Variants in GALNTL6 observed in about 807,000 individuals in gnomAD.
GALNTL6 encodes the protein polypeptide N-acetylgalactosaminyltransferase like 6.
Under a neutral mutation model 73.7 loss-of-function variants are expected in GALNTL6, and 46 were observed. The observed-to-expected ratio is 0.62, with a 90% confidence interval of 0.49 to 0.80. The LOEUF (loss-of-function observed/expected upper bound fraction) is 0.80. Among genes scored for constraint, GALNTL6 ranks in the 30% least tolerant of loss-of-function variants. The pLI, the probability that GALNTL6 is intolerant of heterozygous loss-of-function variation, is 0.00. For synonymous variants in GALNTL6, 259 were observed against 263.7 expected (o/e 0.98, Z 0.17); for missense variants, 604 against 755.0 (o/e 0.80, Z 2.34).
chr4:172,846,713 T>C (rs1743528424), intron 7 of GALNTL6, among the ~76,000 whole-genome samples: 1 of 152,206 alleles, frequency 6.6e-6, no homozygotes, highest in Non-Finnish European at 1.5e-5. Flanking sequence ...ATTCCTATTA[T>C]TATTGCTAAT....
rs73869580 is a variant in GALNTL6, at chr4:172,658,581, T to C, written c.554-150780T>C. On this transcript the variant is annotated intron_variant, in intron 5 of 12. Transcript: ENST00000506823. The stretch of plus-strand genomic sequence containing the variant: ...AAAGGGGGAAACGGGGACAGGGATG[T>C]CAAAGCCAGGAATGAAATGTCTTCC... 7.9e-3 allele frequency among the ~76,000 whole-genome samples: 1,194 copies of C among 152,048 alleles called. 12 individuals carry two copies. The highest frequency in any genetic ancestry group is 0.024 in the African/African-American group (988 of 41,462).
At chr4:172,567,691 C>T (rs1421821755) in intron 5 of GALNTL6, among the ~76,000 whole-genome samples, 1 of 152,048 alleles carries the variant, frequency 6.6e-6, no homozygotes, top group Non-Finnish European at 1.5e-5. Context: ...CAAAAATTAA[C>T]TGGGCATGGT....
intron 2 of GALNTL6, among the ~76,000 whole-genome samples, chr4:172,159,208 C>G (rs746437553): frequency 5.3e-5 from 8 of 152,080 alleles, no homozygotes; most frequent in East Asian, 3.9e-4. Flanking sequence ...CCATCATTCA[C>G]CCTCTTGAAG....
At chr4:173,020,089 A>G (rs1247127801) in intron 11 of GALNTL6, among the ~76,000 whole-genome samples, 1 of 152,210 alleles carries the variant, frequency 6.6e-6, no homozygotes, top group Non-Finnish European at 1.5e-5. Context: ...AGAATTACAT[A>G]ACCTTCCTGG....
At chr4:172,351,183 C>CTGTCTGTCTGTCTATCTATT (rs528746102) in intron 5 of GALNTL6, among the ~76,000 whole-genome samples, 20,074 of 131,402 alleles carry the variant, frequency 0.15, 1,506 homozygotes, top group African/African-American at 0.24. Context: ...AATAATCTGT[C>CTGTCTGTCTGTCTATCTATT]TATCTATCTA....
chr4:172,618,101 C>T (rs868480284), intron 5 of GALNTL6, among the ~76,000 whole-genome samples: 1 of 152,178 alleles, frequency 6.6e-6, no homozygotes, highest in Non-Finnish European at 1.5e-5. Context: ...TGTATTCTCT[C>T]AGTGAGTTAG....
chr4:171,844,230 G>A (rs1156776238), intron 2 of GALNTL6, among the ~76,000 whole-genome samples: 3 of 152,080 alleles, frequency 2.0e-5, no homozygotes, highest in Non-Finnish European at 4.4e-5. Context: ...TTGATTTGGA[G>A]GATGAAACTC....
chr4:172,924,774 C>A (rs947013073), intron 8 of GALNTL6, among the ~76,000 whole-genome samples: 3 of 152,086 alleles, frequency 2.0e-5, no homozygotes, highest in African/African-American at 7.2e-5. Context: ...AGTCTTGGAA[C>A]CTTTATGGAG....
intron 8 of GALNTL6, among the ~76,000 whole-genome samples, chr4:172,919,109 C>T: frequency 6.6e-6 from 1 of 152,180 alleles, no homozygotes; most frequent in East Asian, 1.9e-4. Flanking sequence ...CTCCTAGAAA[C>T]CCAAACCCTC....
chr4:172,988,885 C>G (rs2055287652), intron 10 of GALNTL6, among the ~76,000 whole-genome samples: 1 of 152,244 alleles, frequency 6.6e-6, no homozygotes, highest in South Asian at 2.1e-4. Context: ...GGCTTGGGAG[C>G]CTCCATCTAG....
chr4:172,041,817 T>C (rs1258964897), intron 2 of GALNTL6, among the ~76,000 whole-genome samples: 3 of 152,042 alleles, frequency 2.0e-5, no homozygotes, highest in Non-Finnish European at 4.4e-5. Flanking sequence ...GTGAAGTTTT[T>C]GTATCCTCTC....
chr4:172,160,859 G>A (rs1734438574), intron 2 of GALNTL6, among the ~76,000 whole-genome samples: 1 of 151,084 alleles, frequency 6.6e-6, no homozygotes, highest in Non-Finnish European at 1.5e-5. Flanking sequence ...TTTAGAGCTT[G>A]TTCAAAGTAT....
chr4:172,267,164 C>A (rs1738476402), intron 3 of GALNTL6, among the ~76,000 whole-genome samples: 2 of 152,062 alleles, frequency 1.3e-5, no homozygotes, highest in South Asian at 4.1e-4. Context: ...GAAATTGACC[C>A]TGCCTTCAAA....
intron 5 of GALNTL6, among the ~76,000 whole-genome samples, chr4:172,356,926 T>A (rs985793172): frequency 2.0e-5 from 3 of 152,186 alleles, no homozygotes; most frequent in African/African-American, 7.2e-5. Flanking sequence ...ATAACTATCA[T>A]TAATTTAATA....
intron 3 of GALNTL6, among the ~76,000 whole-genome samples, chr4:172,273,780 GACA>G (rs1263446349): frequency 6.6e-6 from 1 of 152,288 alleles, no homozygotes; most frequent in East Asian, 1.9e-4. Flanking sequence ...GGATTAGCAG[GACA>G]ACAAGATATT....
At chr4:172,472,592 C>T (rs1733091656) in intron 5 of GALNTL6, among the ~76,000 whole-genome samples, 1 of 152,038 alleles carries the variant, frequency 6.6e-6, no homozygotes, top group Non-Finnish European at 1.5e-5. Flanking sequence ...TAAGGTCATA[C>T]TGGAGTAGAT....
rs541789852 is a variant in GALNTL6, at chr4:172,014,183, G to A, written c.138+199465G>A. ...CATGAACAGTGCTGGAATAAACATG[G>A]GAGTGCAGATATCTCTTCAATATAC... is the stretch of plus-strand genomic sequence containing the variant. On this transcript the variant is annotated intron_variant, in intron 2 of 12. Coordinates refer to ENST00000506823, the MANE Select transcript of GALNTL6 (RefSeq NM_001034845.3). Among the ~76,000 whole-genome samples, 3 of 152,108 alleles carry A rather than the reference G, an allele frequency of 2.0e-5. No homozygotes were observed. In the South Asian group the frequency reaches 6.2e-4, roughly 32 times the overall value.
At chr4:171,976,319 T>C (rs1003027925) in intron 2 of GALNTL6, among the ~76,000 whole-genome samples, 1 of 152,222 alleles carries the variant, frequency 6.6e-6, no homozygotes, top group Non-Finnish European at 1.5e-5. Context: ...CTAGAAGATG[T>C]GAAAAATAGA....
At chr4:172,196,439 C>G (rs915436736) in intron 2 of GALNTL6, among the ~76,000 whole-genome samples, 2 of 152,164 alleles carry the variant, frequency 1.3e-5, no homozygotes, top group Non-Finnish European at 2.9e-5. Flanking sequence ...CTCCCTAATT[C>G]ATTTTATGGG....
Sources: gnomAD v4.1 joint callset for allele counts (sites outside exome capture counted in the v4.1 genomes callset) on GRCh38, gnomAD v4.1.1 for gene constraint, MANE v1.5 for transcripts, NCBI Gene and HGNC (gene_info 2026-07-23, HGNC 2026-07-21) for gene names.